Variants in GLIS3 observed in about 807,000 individuals in gnomAD.
GLIS3 encodes the protein zinc finger protein GLIS3.
GLIS3 carries 53 observed loss-of-function variants against 78.6 expected under a neutral mutation model. The ratio of observed to expected loss-of-function variants is 0.67; its 90% confidence interval spans 0.54 to 0.85. The LOEUF (loss-of-function observed/expected upper bound fraction) is 0.85. Among genes scored for constraint, GLIS3 ranks in the 40% least tolerant of loss-of-function variants. The pLI is 0.00. For synonymous variants in GLIS3, 684 were observed against 509.9 expected, an observed-to-expected ratio of 1.34 and a Z score of -4.60; for missense variants, 1,703 against 1,231.1, an observed-to-expected ratio of 1.38 and a Z score of -5.74.
At chr9:4,410,016 G>T in the GLIS3 span, among the ~76,000 whole-genome samples, 65 of 152,272 alleles carry the variant, frequency 4.3e-4, no homozygotes, top group Admixed American at 1.0e-3. Context: ...TGTCACCCAG[G>T]CTGGAGTGCA....
At chr9:3,877,282 A>G (rs1198205214) in intron 8 of GLIS3, among the ~76,000 whole-genome samples, 1 of 152,248 alleles carries the variant, frequency 6.6e-6, no homozygotes, top group Non-Finnish European at 1.5e-5. Context: ...GGAATATATC[A>G]GACAAGTGGA....
At chr9:3,867,373 A>T (rs1439819515) in intron 8 of GLIS3, among the ~76,000 whole-genome samples, 1 of 152,140 alleles carries the variant, frequency 6.6e-6, no homozygotes, top group Non-Finnish European at 1.5e-5. Flanking sequence ...ATATCAGGGG[A>T]GTGTATTTAA....
At chr9:4,068,518 T>G (rs1038202548) in intron 4 of GLIS3, among the ~76,000 whole-genome samples, 2 of 152,310 alleles carry the variant, frequency 1.3e-5, no homozygotes, top group South Asian at 4.1e-4. Context: ...AGCAGTGAAT[T>G]TATATCCTTT....
Position 4,208,841 on chromosome 9 carries a change from G to A in GLIS3, c.388+77197C>T, listed in dbSNP as rs75712153. On this transcript the variant is annotated intron_variant, in intron 2 of 10. Transcript: ENST00000381971. ...GTGACACCAGTGACCAACACCTTGT[G>A]TGCCCTTCAGAGGAGGTGAATCTGT... 6.1e-3 allele frequency among the ~76,000 whole-genome samples: 925 copies of A among 152,266 alleles called. 10 individuals are homozygous for A. Among genetic ancestry groups the A allele is most frequent in the African/African-American group, 0.021 (858 of 41,542 alleles).
chr9:4,199,040 T>A (rs1207608195), intron 2 of GLIS3, among the ~76,000 whole-genome samples: 1 of 152,138 alleles, frequency 6.6e-6, no homozygotes, highest in Non-Finnish European at 1.5e-5. Context: ...ACTGGACCAA[T>A]CTTACAAGAT....
chr9:4,104,183 T>C (rs148293529), intron 4 of GLIS3, among the ~76,000 whole-genome samples: 1 of 152,060 alleles, frequency 6.6e-6, no homozygotes, highest in Non-Finnish European at 1.5e-5. Context: ...GATTCACTAT[T>C]TGAATGTCTA....
At chr9:4,163,882 G>A (rs1586851043) in intron 2 of GLIS3, among the ~76,000 whole-genome samples, 1 of 152,222 alleles carries the variant, frequency 6.6e-6, no homozygotes, top group South Asian at 2.1e-4. Context: ...ATAATGAAAA[G>A]GCTACAAATG....
At chr9:4,254,956 G>T (rs1347446172) in intron 2 of GLIS3, among the ~76,000 whole-genome samples, 1 of 152,044 alleles carries the variant, frequency 6.6e-6, no homozygotes, top group East Asian at 1.9e-4. Flanking sequence ...TCTGTTAAAG[G>T]ACTGTTTATT....
intron 2 of GLIS3, among the ~76,000 whole-genome samples, chr9:4,187,710 A>G (rs1817939456): frequency 6.6e-6 from 1 of 152,164 alleles, no homozygotes; most frequent in Admixed American, 6.6e-5. Context: ...GAGGTCTTTC[A>G]CATCCCTTGT....
At chr9:4,325,391 A>G (rs1044789030) in intron 2 of GLIS3, among the ~76,000 whole-genome samples, 9 of 150,786 alleles carry the variant, frequency 6.0e-5, no homozygotes, top group African/African-American at 1.7e-4. Flanking sequence ...GACAAACATG[A>G]AAGAAAGAAA....
At chr9:4,163,067 G>T (rs1368825291) in intron 2 of GLIS3, among the ~76,000 whole-genome samples, 3 of 152,086 alleles carry the variant, frequency 2.0e-5, no homozygotes, top group African/African-American at 7.2e-5. Flanking sequence ...ATCATGCTAG[G>T]GACTCTACAC....
intron 4 of GLIS3, among the ~76,000 whole-genome samples, chr9:4,007,456 T>C (rs967173948): frequency 1.3e-5 from 2 of 152,236 alleles, no homozygotes; most frequent in Admixed American, 1.3e-4. Flanking sequence ...TGTCTTCCTC[T>C]CCATTTTCTG....
At chr9:4,473,454 C>CACCAAAAAAAA in the GLIS3 span, among the ~76,000 whole-genome samples, 235 of 58,684 alleles carry the variant, frequency 4.0e-3, 19 homozygotes, top group Middle Eastern at 0.021. Context: ...TCAACAACAA[C>CACCAAAAAAAA]AACAACAAAA....
chr9:4,118,287 C>G lies in GLIS3; in HGVS notation c.1191G>C (p.Gln397His), dbSNP rs138497710. Residue 397 changes from glutamine to histidine, a missense_variant, in exon 4 of 11, where the codon CAG (glutamine) becomes CAC (histidine). Gln to His is a conservative substitution (Grantham distance 24). Coordinates refer to ENST00000381971, the MANE Select transcript of GLIS3 (RefSeq NM_001042413.2). This position sits in a 1 kb window ranked among gnomAD's most constrained non-coding sequence, Gnocchi z 4.7. ...DGALEHERMQQLEHGGLQPGL... is the reference protein window; with the variant it reads ...DGALEHERMQHLEHGGLQPGL... ...CTGGCTGCAGGCCGCCGTGCTCCAG[C>G]TGTTGCATGCGCTCGTGCTCCAGGG... 2.9e-3 allele frequency: 4,616 copies of G among 1,583,390 alleles called. 9 individuals carry two copies. The highest frequency in any genetic ancestry group is 3.5e-3 in the Non-Finnish European group (4,055 of 1,166,186).
intron 4 of GLIS3, among the ~76,000 whole-genome samples, chr9:4,024,486 T>C (rs1348817194): frequency 6.6e-6 from 1 of 152,202 alleles, no homozygotes; most frequent in Non-Finnish European, 1.5e-5. Flanking sequence ...CTGCTCCATG[T>C]GGCCACTGCT....
At chr9:3,828,762 G>A (rs532806011) in intron 10 of GLIS3, among the ~76,000 whole-genome samples, 97 of 152,300 alleles carry the variant, frequency 6.4e-4, no homozygotes, top group Middle Eastern at 3.4e-3. Context: ...CATTCCAGAA[G>A]GAGGAAACAA....
intron 2 of GLIS3, among the ~76,000 whole-genome samples, chr9:4,129,375 C>G (rs1359273476): frequency 6.6e-6 from 1 of 152,176 alleles, no homozygotes; most frequent in African/African-American, 2.4e-5. Flanking sequence ...GTGTCCCCAC[C>G]CAAAACTCAC....
chr9:4,476,067 G>A, the GLIS3 span, among the ~76,000 whole-genome samples: 561 of 152,092 alleles, frequency 3.7e-3, 4 homozygotes, highest in African/African-American at 0.013. Flanking sequence ...TTGTTTTATA[G>A]TTTTGAGTGA....
intron 4 of GLIS3, among the ~76,000 whole-genome samples, chr9:3,979,654 G>C (rs938863728): frequency 2.6e-5 from 4 of 152,066 alleles, no homozygotes; most frequent in Non-Finnish European, 5.9e-5. Flanking sequence ...ACTTCACCCA[G>C]CACAACACTT....
Sources: gnomAD v4.1 joint callset for allele counts (sites outside exome capture counted in the v4.1 genomes callset) on GRCh38, gnomAD v4.1.1 for gene constraint, Gnocchi (gnomAD v3.1) non-coding constraint, MANE v1.5 for transcripts, NCBI Gene and HGNC (gene_info 2026-07-23, HGNC 2026-07-21) for gene names.